The following NAA11 variants were observed in gnomAD, a reference collection of about 807,000 sequenced individuals.
NAA11 encodes N-alpha-acetyltransferase 11.
Under a neutral mutation model 16.1 loss-of-function variants are expected in NAA11, and 15 were observed. The observed-to-expected ratio is 0.93, with a 90% CI of 0.62 to 1.44. NAA11 has a LOEUF of 1.44. Among genes scored for constraint, NAA11 ranks in the 40% most tolerant of loss-of-function variants. The probability of loss-of-function intolerance (pLI) is 0.00; values close to 1 mark genes in which losing one functional copy is unlikely to be tolerated. For missense variants in NAA11, 298 were observed against 291.3 expected (o/e 1.02, Z -0.17); for synonymous variants, 122 against 112.4 (o/e 1.09, Z -0.54).
the NAA11 span, among the ~76,000 whole-genome samples, chr4:79,205,388 G>A: frequency 0.71 from 107,304 of 151,934 alleles, 40,458 homozygotes; most frequent in East Asian, 0.89. Context: ...TCCTATGTTT[G>A]TTGGTCATTT....
At chr4:79,211,515 C>A in the NAA11 span, among the ~76,000 whole-genome samples, 11 of 152,152 alleles carry the variant, frequency 7.2e-5, no homozygotes, top group African/African-American at 9.7e-5. Context: ...CTATGTATGT[C>A]TATATGTAGA....
chr4:79,307,930 T>C (rs562990162), intron 1 of NAA11, among the ~76,000 whole-genome samples: 484 of 152,356 alleles, frequency 3.2e-3, no homozygotes, highest in South Asian at 9.3e-3. Flanking sequence ...CAAGTTTCCA[T>C]ATATCCAAAT....
the NAA11 span, among the ~76,000 whole-genome samples, chr4:79,173,903 T>C: frequency 6.6e-6 from 1 of 152,062 alleles, no homozygotes; most frequent in Admixed American, 6.6e-5. Context: ...CCATTGAAGT[T>C]TGGGGGTTTG....
the NAA11 span, among the ~76,000 whole-genome samples, chr4:79,161,395 A>G: frequency 2.0e-5 from 3 of 152,178 alleles, no homozygotes; most frequent in Non-Finnish European, 4.4e-5. Context: ...CTATCCTTGT[A>G]CCAGTAGCAT....
At chr4:79,182,323 A>C in the NAA11 span, among the ~76,000 whole-genome samples, 1 of 152,218 alleles carries the variant, frequency 6.6e-6, no homozygotes, top group Non-Finnish European at 1.5e-5. Context: ...CCAAAGGGTG[A>C]GAATGTTTAA....
intron 2 of NAA11, among the ~76,000 whole-genome samples, chr4:79,241,236 T>C (rs1029057841): frequency 6.6e-6 from 1 of 152,204 alleles, no homozygotes; most frequent in Non-Finnish European, 1.5e-5. Flanking sequence ...ATTTTCTCTT[T>C]CTTATGATTT....
the NAA11 span, among the ~76,000 whole-genome samples, chr4:79,183,213 T>C: frequency 3.9e-5 from 6 of 152,120 alleles, no homozygotes; most frequent in Admixed American, 2.6e-4. Flanking sequence ...ATGAATAATA[T>C]AACTTCTACC....
rs781363508 is a variant in NAA11 at position 79,325,920 on chromosome 4, G to A, written c.-43C>T. On this transcript the variant is annotated 5_prime_UTR_variant, in exon 1 of 2. Coordinates refer to ENST00000286794, the MANE Select transcript of NAA11 (RefSeq NM_032693.3). Reference sequence around the variant, plus strand: ...AACCGGTTGGACTGCAGTGAACCCAGAAGAGGCTGTCGCCGACCTTAAGGG... The same window carrying A: ...AACCGGTTGGACTGCAGTGAACCCAAAAGAGGCTGTCGCCGACCTTAAGGG... 6.4e-7 allele frequency: 1 copy of A among 1,550,630 alleles called. No homozygotes were observed. Among genetic ancestry groups the A allele is most frequent in the African/African-American group, 1.4e-5 (1 of 73,412 alleles).
intron 2 of NAA11, among the ~76,000 whole-genome samples, chr4:79,264,776 A>G (rs144005575): frequency 7.9e-5 from 12 of 152,294 alleles, no homozygotes; most frequent in Admixed American, 1.3e-4. Flanking sequence ...CTCTAAATGC[A>G]TCGGGTCTCA....
the NAA11 span, among the ~76,000 whole-genome samples, chr4:79,178,124 T>G: frequency 6.6e-6 from 1 of 152,204 alleles, no homozygotes. Flanking sequence ...CAGCAAATTT[T>G]AAACTTCCTT....
At chr4:79,254,458 T>A (rs1722058791) in intron 2 of NAA11, among the ~76,000 whole-genome samples, 1 of 152,174 alleles carries the variant, frequency 6.6e-6, no homozygotes, top group Admixed American at 6.5e-5. Context: ...ATTAATCTAG[T>A]TTGTATAACA....
chr4:79,283,301 T>A (rs1293561466), intron 2 of NAA11, among the ~76,000 whole-genome samples: 2 of 152,028 alleles, frequency 1.3e-5, no homozygotes, highest in Non-Finnish European at 2.9e-5. Context: ...ACCTAAAGGT[T>A]TTTTTAATGC....
chr4:79,184,174 T>C, the NAA11 span, among the ~76,000 whole-genome samples: 2 of 152,202 alleles, frequency 1.3e-5, no homozygotes, highest in Non-Finnish European at 1.5e-5. Flanking sequence ...AAATAAAATA[T>C]TGCAACTTGT....
chr4:79,255,699 T>C (rs1419097323), intron 2 of NAA11, among the ~76,000 whole-genome samples: 1 of 152,218 alleles, frequency 6.6e-6, no homozygotes, highest in African/African-American at 2.4e-5. Flanking sequence ...GTTCTTGGCT[T>C]TGCCCAGGAA....
At chr4:79,198,742 C>T in the NAA11 span, among the ~76,000 whole-genome samples, 1 of 151,882 alleles carries the variant, frequency 6.6e-6, no homozygotes, top group Non-Finnish European at 1.5e-5. Flanking sequence ...GGAATTTGTT[C>T]AACAAGAGCG....
At chr4:79,316,240 TAAAG>T (rs1469405517), downstream of NAA11, among the ~76,000 whole-genome samples, 1 of 152,000 alleles carries the variant, frequency 6.6e-6, no homozygotes, top group Non-Finnish European at 1.5e-5. Context: ...TATTTAAAAA[TAAAG>T]AGATAAACAC....
chr4:79,212,187 A>G, the NAA11 span, among the ~76,000 whole-genome samples: 1 of 152,200 alleles, frequency 6.6e-6, no homozygotes, highest in Non-Finnish European at 1.5e-5. Flanking sequence ...TTCTAATTTC[A>G]CACTTTCCTG....
At chr4:79,290,107 C>G (rs1052841934) in intron 2 of NAA11, among the ~76,000 whole-genome samples, 1 of 152,198 alleles carries the variant, frequency 6.6e-6, no homozygotes, top group African/African-American at 2.4e-5. Context: ...AAGCAAAGGG[C>G]CAGGAAACTG....
the NAA11 span, among the ~76,000 whole-genome samples, chr4:79,183,840 T>C: frequency 6.6e-6 from 1 of 152,180 alleles, no homozygotes; most frequent in African/African-American, 2.4e-5. Flanking sequence ...CTAAGGATGT[T>C]TTAAATTTCT....
Sources: allele counts gnomAD v4.1 joint callset (sites outside exome capture counted in the v4.1 genomes callset), GRCh38; gene constraint gnomAD v4.1.1; transcripts MANE v1.5; gene names NCBI Gene and HGNC (gene_info 2026-07-23, HGNC 2026-07-21).